The following SORCS1 variants were observed in gnomAD, a reference collection of about 807,000 sequenced individuals.
The protein encoded by SORCS1 is sortilin related VPS10 domain containing receptor 1.
SORCS1 carries 60 observed loss-of-function variants against 146.1 expected under a neutral mutation model. The observed-to-expected ratio is 0.41, with a 90% CI of 0.33 to 0.51. The LOEUF is 0.51. Ranked by LOEUF, SORCS1 falls within the 20% of genes least tolerant of loss-of-function variation. SORCS1 has a pLI of 0.21. For missense variants in SORCS1, 1,352 were observed against 1,487.6 expected (o/e 0.91, Z 1.50); for synonymous variants, 637 against 584.0 (o/e 1.09, Z -1.31).
chr10:107,169,204 A>G (rs1384829685), upstream of SORCS1, among the ~76,000 whole-genome samples: 1 of 152,170 alleles, frequency 6.6e-6, no homozygotes, highest in African/African-American at 2.4e-5. Flanking sequence ...CGTTTGAACA[A>G]TGTCTTTTAA....
chr10:106,838,516 T>C (rs73381040), intron 2 of SORCS1, among the ~76,000 whole-genome samples: 3,599 of 152,260 alleles, frequency 0.024, 135 homozygotes, highest in African/African-American at 0.08. Flanking sequence ...AAATGCATAA[T>C]GACATGTATC....
At position 106,786,943 on chromosome 10, in the gene SORCS1, A is replaced by G. The variant is rs1035284900; in HGVS notation, c.727-10251T>C. On this transcript the variant is annotated intron_variant, in intron 3 of 25. Coordinates refer to ENST00000263054, the MANE Select transcript of SORCS1 (RefSeq NM_052918.5). ...TTATCAGATTAAGGTAAGTGTATTT[A>G]TTGAAGACCAAGTGAATTGCATTGT... is the stretch of plus-strand genomic sequence containing the variant. Among the ~76,000 whole-genome samples, 4 of 152,304 alleles carry G rather than the reference A, an allele frequency of 2.6e-5. No homozygotes were observed. In the East Asian group the frequency reaches 7.7e-4, roughly 29 times the overall value.
At chr10:107,107,290 C>T (rs1215363433) in intron 1 of SORCS1, among the ~76,000 whole-genome samples, 1 of 152,096 alleles carries the variant, frequency 6.6e-6, no homozygotes, top group Non-Finnish European at 1.5e-5. Context: ...CCTATGTAAT[C>T]CTGAAATTAG....
chr10:106,685,145 T>C (rs1445968122), intron 10 of SORCS1, among the ~76,000 whole-genome samples: 2 of 152,142 alleles, frequency 1.3e-5, no homozygotes, highest in East Asian at 1.9e-4. Flanking sequence ...CTTCAGAAGG[T>C]AGAAAATGTG....
chr10:106,621,553 T>C (rs1847746416), intron 19 of SORCS1, among the ~76,000 whole-genome samples: 1 of 151,772 alleles, frequency 6.6e-6, no homozygotes, highest in Admixed American at 6.6e-5. Context: ...AAATATCAAA[T>C]GCATGTGAAG....
chr10:106,726,798 G>C (rs1856222995), intron 6 of SORCS1, among the ~76,000 whole-genome samples: 1 of 152,156 alleles, frequency 6.6e-6, no homozygotes, highest in African/African-American at 2.4e-5. Context: ...TAGAAATGCA[G>C]ACTCTCGGCC....
At chr10:106,585,120 A>G (rs967791404) in intron 24 of SORCS1, among the ~76,000 whole-genome samples, 10 of 151,746 alleles carry the variant, frequency 6.6e-5, no homozygotes, top group Non-Finnish European at 1.2e-4. Flanking sequence ...GCTACTCGGG[A>G]GGTTGAGGCA....
At chr10:106,868,786 GAAGC>G (rs1950308669) in intron 2 of SORCS1, among the ~76,000 whole-genome samples, 1 of 151,814 alleles carries the variant, frequency 6.6e-6, no homozygotes, top group African/African-American at 2.4e-5. Context: ...AACTGAAAGA[GAAGC>G]AAGAACAAAT....
rs1278105041 is a variant in SORCS1 at position 106,597,464 on chromosome 10, C to T, written c.3166-14G>A. On this transcript the variant is annotated splice_polypyrimidine_tract_variant and intron_variant, in intron 23 of 25. Coordinates refer to ENST00000263054, the MANE Select transcript of SORCS1 (RefSeq NM_052918.5). Reference sequence around the variant, plus strand: ...CAATTCTGATATCTGAAAAAAGAAGCATAGTTAGTGACACCAAAAGTGTCA... The same window carrying T: ...CAATTCTGATATCTGAAAAAAGAAGTATAGTTAGTGACACCAAAAGTGTCA... The T allele has an allele frequency of 1.2e-6, 2 of 1,605,328 alleles. No individual in the cohort carries two copies. Among genetic ancestry groups the T allele is most frequent in the East Asian group, 4.5e-5 (2 of 44,800 alleles).
chr10:106,950,389 G>T (rs1454531401), intron 2 of SORCS1, among the ~76,000 whole-genome samples: 3 of 152,142 alleles, frequency 2.0e-5, no homozygotes, highest in African/African-American at 7.2e-5. Flanking sequence ...CACCTCAAGG[G>T]CATTTGCCAG....
chr10:107,115,431 A>G (rs1464645073), intron 1 of SORCS1, among the ~76,000 whole-genome samples: 2 of 152,128 alleles, frequency 1.3e-5, no homozygotes, highest in Non-Finnish European at 1.5e-5. Flanking sequence ...AACAAAATAG[A>G]GATCTCAGAA....
intron 19 of SORCS1, among the ~76,000 whole-genome samples, chr10:106,624,363 T>A (rs1340750131): frequency 1.5e-5 from 2 of 133,832 alleles, no homozygotes; most frequent in Admixed American, 7.6e-5. Flanking sequence ...TTTTTTTTTT[T>A]TTTTTTTTTT....
intron 3 of SORCS1, among the ~76,000 whole-genome samples, chr10:106,792,786 C>T (rs1700617551): frequency 6.6e-6 from 1 of 152,108 alleles, no homozygotes; most frequent in Non-Finnish European, 1.5e-5. Context: ...CTAAATGGAA[C>T]CTTATGTGCC....
chr10:106,729,183 T>C (rs969558090), intron 6 of SORCS1, among the ~76,000 whole-genome samples: 1 of 152,360 alleles, frequency 6.6e-6, no homozygotes, highest in Non-Finnish European at 1.5e-5. Context: ...CTCTGTGAGA[T>C]AGACATCACT....
intron 1 of SORCS1, among the ~76,000 whole-genome samples, chr10:107,156,885 G>A (rs1050691276): frequency 2.0e-5 from 3 of 152,210 alleles, no homozygotes; most frequent in Non-Finnish European, 4.4e-5. Flanking sequence ...CATCTCTGAA[G>A]TCTATTAGCA....
chr10:106,664,792 T>C (rs1851003701), intron 17 of SORCS1, among the ~76,000 whole-genome samples: 1 of 152,064 alleles, frequency 6.6e-6, no homozygotes, highest in African/African-American at 2.4e-5. Flanking sequence ...GACAGACTAA[T>C]ATAACTTCCT....
At chr10:107,045,144 G>A (rs1207821642) in intron 1 of SORCS1, among the ~76,000 whole-genome samples, 1 of 152,318 alleles carries the variant, frequency 6.6e-6, no homozygotes, top group South Asian at 2.1e-4. Context: ...TCTGCAATGG[G>A]GAACTGCTAA....
intron 2 of SORCS1, among the ~76,000 whole-genome samples, chr10:106,954,651 G>GT (rs969010676): frequency 1.3e-5 from 2 of 152,102 alleles, no homozygotes; most frequent in African/African-American, 4.8e-5. Context: ...ATCCCTTAGC[G>GT]TAGAGGAGCT....
At chr10:107,076,438 C>T (rs952939759) in intron 1 of SORCS1, among the ~76,000 whole-genome samples, 3 of 152,126 alleles carry the variant, frequency 2.0e-5, no homozygotes, top group African/African-American at 7.2e-5. Flanking sequence ...ATAGTAATCT[C>T]TTCTAAACTG....
Sources: allele counts gnomAD v4.1 joint callset (sites outside exome capture counted in the v4.1 genomes callset), GRCh38; gene constraint gnomAD v4.1.1; transcripts MANE v1.5; gene names NCBI Gene and HGNC (gene_info 2026-07-23, HGNC 2026-07-21).